Variants in MACROD2 observed in about 807,000 individuals in gnomAD.
MACROD2 encodes the protein ADP-ribose glycohydrolase MACROD2.
In MACROD2, 36 loss-of-function variants were observed where a neutral mutation model predicts 70.4. The observed-to-expected ratio is 0.51, with a 90% CI of 0.39 to 0.68. The LOEUF is 0.68. Among genes scored for constraint, MACROD2 ranks in the 30% least tolerant of loss-of-function variants. The pLI is 0.00. For missense variants in MACROD2, 496 were observed against 538.4 expected (o/e 0.92, Z 0.78); for synonymous variants, 172 against 178.8 (o/e 0.96, Z 0.30).
chr20:15,039,579 C>T (rs779752292), intron 5 of MACROD2, among the ~76,000 whole-genome samples: 2 of 150,604 alleles, frequency 1.3e-5, no homozygotes, highest in African/African-American at 2.4e-5. Context: ...TGAGCCCTGA[C>T]ATCACTTAAC....
At chr20:15,520,351 G>A (rs1336668048) in intron 8 of MACROD2, among the ~76,000 whole-genome samples, 3 of 152,202 alleles carry the variant, frequency 2.0e-5, no homozygotes, top group African/African-American at 7.2e-5. Flanking sequence ...TTATGGCATG[G>A]AGACCTTCCC....
intron 3 of MACROD2, among the ~76,000 whole-genome samples, chr20:14,428,312 A>G (rs922162611): frequency 6.6e-6 from 1 of 152,086 alleles, no homozygotes; most frequent in Non-Finnish European, 1.5e-5. Flanking sequence ...TAAAAATATG[A>G]CTCGATTAAT....
At chr20:15,290,943 A>G (rs1433965968) in intron 6 of MACROD2, among the ~76,000 whole-genome samples, 1 of 152,212 alleles carries the variant, frequency 6.6e-6, no homozygotes, top group Non-Finnish European at 1.5e-5. Flanking sequence ...CACATAAAAT[A>G]TATTTGCAAT....
chr20:14,477,227 T>G (rs1253016073), intron 3 of MACROD2, among the ~76,000 whole-genome samples: 1 of 152,098 alleles, frequency 6.6e-6, no homozygotes, highest in Admixed American at 6.6e-5. Context: ...AGCTTCAAGA[T>G]TCCAGGGAGT....
intron 5 of MACROD2, among the ~76,000 whole-genome samples, chr20:14,812,019 T>C (rs865777368): frequency 6.6e-6 from 1 of 152,062 alleles, no homozygotes; most frequent in Admixed American, 6.6e-5. Flanking sequence ...GACAGTGTGG[T>C]GATTCCTCAA....
intron 3 of MACROD2, among the ~76,000 whole-genome samples, chr20:14,374,356 C>G (rs1327654679): frequency 6.6e-6 from 1 of 152,026 alleles, no homozygotes; most frequent in Non-Finnish European, 1.5e-5. Flanking sequence ...ACAATGTGAC[C>G]CAAAATACTG....
intron 5 of MACROD2, among the ~76,000 whole-genome samples, chr20:15,043,283 T>C (rs1458944809): frequency 1.3e-5 from 2 of 152,212 alleles, no homozygotes; most frequent in Admixed American, 1.3e-4. Context: ...TCTTGAAAAA[T>C]GGGAAATACT....
intron 4 of MACROD2, among the ~76,000 whole-genome samples, chr20:14,681,996 A>C (rs1396706801): frequency 6.6e-6 from 1 of 152,164 alleles, no homozygotes; most frequent in East Asian, 1.9e-4. Flanking sequence ...TGCAGTGCCC[A>C]GCACATTGAT....
At chr20:14,916,975 T>G (rs1326023432) in intron 5 of MACROD2, among the ~76,000 whole-genome samples, 2 of 152,132 alleles carry the variant, frequency 1.3e-5, no homozygotes, top group East Asian at 3.9e-4. Flanking sequence ...TGATTGGTCA[T>G]GCAAACTTAA....
At chr20:15,703,974 A>AT (rs2050496817) in intron 8 of MACROD2, among the ~76,000 whole-genome samples, 2 of 152,162 alleles carry the variant, frequency 1.3e-5, no homozygotes, top group Non-Finnish European at 2.9e-5. Context: ...GCAATATTAT[A>AT]TTTTTGACAC....
chr20:14,030,262 G>C (rs1002653708), intron 2 of MACROD2, among the ~76,000 whole-genome samples: 2 of 151,620 alleles, frequency 1.3e-5, no homozygotes, highest in Non-Finnish European at 2.9e-5. Flanking sequence ...GGTCTCAAAT[G>C]CCTAGGCTCA....
chr20:14,255,016 G>C (rs2082041932), intron 3 of MACROD2, among the ~76,000 whole-genome samples: 1 of 152,056 alleles, frequency 6.6e-6, no homozygotes. Context: ...TAGTTTGGCT[G>C]GATATGAAAT....
intron 3 of MACROD2, among the ~76,000 whole-genome samples, chr20:14,156,417 T>C (rs530256310): frequency 9.3e-4 from 142 of 152,352 alleles, no homozygotes; most frequent in Admixed American, 2.5e-3. Context: ...CATAACCCAC[T>C]ATCTTCATTT....
chr20:15,922,550 G>T (rs371955367), intron 10 of MACROD2, among the ~76,000 whole-genome samples: 1 of 152,176 alleles, frequency 6.6e-6, no homozygotes, highest in Non-Finnish European at 1.5e-5. Context: ...ATCACAGTGG[G>T]CAATACAGCT....
At chr20:15,919,698 G>C (rs190680681) in intron 10 of MACROD2, among the ~76,000 whole-genome samples, 1 of 152,226 alleles carries the variant, frequency 6.6e-6, no homozygotes, top group East Asian at 1.9e-4. Flanking sequence ...TCGCGCCACT[G>C]GACTCCAGCC....
intron 8 of MACROD2, among the ~76,000 whole-genome samples, chr20:15,599,197 T>G (rs1292122518): frequency 1.7e-4 from 26 of 150,386 alleles, no homozygotes; most frequent in African/African-American, 6.1e-4. Flanking sequence ...CTGGCCAACA[T>G]GGTGAAACCC....
At chr20:15,977,007 C>G (rs77323955) in intron 13 of MACROD2, among the ~76,000 whole-genome samples, 1 of 152,294 alleles carries the variant, frequency 6.6e-6, no homozygotes, top group East Asian at 1.9e-4. Context: ...TGGGGACCTG[C>G]TCATTCTTGA....
rs1259231441 is a variant in MACROD2 at position 14,239,948 on chromosome 20, T to C, written c.271+154220T>C. 2.6e-5 allele frequency among the ~76,000 whole-genome samples: 4 copies of C among 152,210 alleles called. No homozygotes were observed. The East Asian group carries it at 5.8e-4, about 22-fold the overall frequency. On this transcript the variant is annotated intron_variant, in intron 3 of 17. Transcript: ENST00000684519. ...AGCTGCACATCTGACAAGGCTCTTA[T>C]ATCCGGAATCTATAAAGAACTTAAA...
In MACROD2 at chr20:14,159,665, G is replaced by A. The variant is rs73257109; in HGVS notation, c.271+73937G>A. Among the ~76,000 whole-genome samples, 240 of 152,208 alleles carry A rather than the reference G, an allele frequency of 1.6e-3. 1 individual carries two copies. Among genetic ancestry groups the A allele is most frequent in the African/African-American group, 5.5e-3 (227 of 41,518 alleles). ...TTCTAGATATAAGATTATATCATAGGCAGAGAGGGGCAGTTTGACTTCCTT... is the reference window on the plus strand; with the variant it reads ...TTCTAGATATAAGATTATATCATAGACAGAGAGGGGCAGTTTGACTTCCTT... On this transcript the variant is annotated intron_variant, in intron 3 of 17. Coordinates refer to ENST00000684519, the MANE Select transcript of MACROD2 (RefSeq NM_001351661.2).
Sources: gnomAD v4.1 joint callset for allele counts (sites outside exome capture counted in the v4.1 genomes callset) on GRCh38, gnomAD v4.1.1 for gene constraint, MANE v1.5 for transcripts, NCBI Gene and HGNC (gene_info 2026-07-23, HGNC 2026-07-21) for gene names.